RARB: variants seen among roughly 807,000 people sequenced by gnomAD.
RARB encodes the protein HBV-activated protein.
Under a neutral mutation model 51.9 loss-of-function variants are expected in RARB, and 17 were observed. The observed-to-expected ratio is 0.33, with a 90% CI of 0.22 to 0.49. The LOEUF (loss-of-function observed/expected upper bound fraction) is 0.49, where lower values mean the gene tolerates loss of function less well. Ranked by LOEUF, RARB falls within the 20% of genes least tolerant of loss-of-function variation. The pLI, the probability that RARB is intolerant of heterozygous loss-of-function variation, is 0.99. For missense variants in RARB, 369 were observed against 550.8 expected (o/e 0.67, Z 3.30); for synonymous variants, 215 against 195.4 (o/e 1.10, Z -0.84).
intron 3 of RARB, among the ~76,000 whole-genome samples, chr3:25,528,244 C>G (rs1180539070): frequency 6.6e-6 from 1 of 152,174 alleles, no homozygotes; most frequent in Non-Finnish European, 1.5e-5. Context: ...CCCTGAAGGA[C>G]AGTGTGCCCA....
chr3:25,567,915 C>T (rs1259453129), intron 3 of RARB, among the ~76,000 whole-genome samples: 1 of 152,174 alleles, frequency 6.6e-6, no homozygotes, highest in Admixed American at 6.5e-5. Flanking sequence ...TCACGGAGAG[C>T]CACCATGCCG....
At chr3:24,831,591 A>G (rs1044551209) in intron 1 of RARB, among the ~76,000 whole-genome samples, 68 of 152,208 alleles carry the variant, frequency 4.5e-4, no homozygotes, top group African/African-American at 1.5e-3. Flanking sequence ...GCTAAATTGT[A>G]TAGTATATTC....
chr3:25,523,834 T>C (rs1045869310), intron 3 of RARB, among the ~76,000 whole-genome samples: 1 of 152,242 alleles, frequency 6.6e-6, no homozygotes, highest in African/African-American at 2.4e-5. Flanking sequence ...TTACAAACTT[T>C]TTCTCTTGTT....
intron 3 of RARB, among the ~76,000 whole-genome samples, chr3:25,535,320 G>A (rs1207247687): frequency 6.6e-6 from 1 of 152,028 alleles, no homozygotes; most frequent in African/African-American, 2.4e-5. Context: ...TGGTGTTTAG[G>A]GACACAACCT....
chr3:25,169,117 G>C (rs1700603201), intron 4 of RARB, among the ~76,000 whole-genome samples: 1 of 152,142 alleles, frequency 6.6e-6, no homozygotes, highest in Non-Finnish European at 1.5e-5. Context: ...CATATGTGAA[G>C]TGCAACACAA....
chr3:24,971,043 T>A (rs995517148), intron 2 of RARB, among the ~76,000 whole-genome samples: 2 of 151,996 alleles, frequency 1.3e-5, no homozygotes, highest in Non-Finnish European at 2.9e-5. Flanking sequence ...TACTTTATTA[T>A]CAGGTTATAT....
chr3:25,514,806 C>T (rs1453259864), intron 3 of RARB, among the ~76,000 whole-genome samples: 1 of 152,112 alleles, frequency 6.6e-6, no homozygotes, highest in African/African-American at 2.4e-5. Flanking sequence ...TCTGTGGACT[C>T]AAGAGATTTA....
rs560251847 is a variant in RARB at position 24,938,853 on chromosome 3, A to T, written c.-380+80101A>T. On this transcript the variant is annotated intron_variant, in intron 2 of 11. Coordinates refer to the RARB transcript ENST00000383772. ...TTGTATCTGGCTTATTTCACTTAGC[A>T]TAATGTTTTCAAGGCTCATCAATGT... 4.6e-5 allele frequency among the ~76,000 whole-genome samples: 7 copies of T among 152,324 alleles called. No homozygotes were observed. The East Asian group carries it at 1.4e-3, about 29-fold the overall frequency.
At chr3:25,472,451 C>T (rs772565426) in intron 2 of RARB, among the ~76,000 whole-genome samples, 2 of 152,156 alleles carry the variant, frequency 1.3e-5, no homozygotes, top group Non-Finnish European at 2.9e-5. Flanking sequence ...TACAGACCTA[C>T]TTTTAGGGAA....
intron 2 of RARB, among the ~76,000 whole-genome samples, chr3:24,988,907 C>T (rs1233652942): frequency 6.6e-6 from 1 of 152,122 alleles, no homozygotes; most frequent in Non-Finnish European, 1.5e-5. Context: ...CTCACTGCAA[C>T]CTCCGCTTCC....
At chr3:25,364,597 A>G (rs1706053739) in intron 5 of RARB, among the ~76,000 whole-genome samples, 1 of 152,194 alleles carries the variant, frequency 6.6e-6, no homozygotes. Context: ...AGCAGGAACT[A>G]TTTGGCTTGA....
intron 4 of RARB, among the ~76,000 whole-genome samples, chr3:25,578,754 G>A (rs1022289064): frequency 1.3e-5 from 2 of 152,244 alleles, no homozygotes; most frequent in Admixed American, 1.3e-4. Flanking sequence ...CGTTTTTACA[G>A]TGTCTGTGGC....
At chr3:25,286,914 A>G (rs1703671043) in intron 5 of RARB, among the ~76,000 whole-genome samples, 1 of 152,192 alleles carries the variant, frequency 6.6e-6, no homozygotes, top group Admixed American at 6.5e-5. Context: ...CTATTTTACA[A>G]GAAAATTTAT....
chr3:25,127,069 T>G (rs945932237), intron 3 of RARB, among the ~76,000 whole-genome samples: 1 of 152,192 alleles, frequency 6.6e-6, no homozygotes, highest in Non-Finnish European at 1.5e-5. Flanking sequence ...ATCTTTCGCC[T>G]GCATCAGTAG....
At chr3:25,166,515 C>T (rs1284659768) in intron 4 of RARB, among the ~76,000 whole-genome samples, 2 of 152,162 alleles carry the variant, frequency 1.3e-5, no homozygotes, top group Admixed American at 6.5e-5. Context: ...GCAAAGATTT[C>T]CCCACACCAA....
intron 5 of RARB, among the ~76,000 whole-genome samples, chr3:25,266,391 C>T (rs139136510): frequency 6.6e-6 from 1 of 152,106 alleles, no homozygotes; most frequent in African/African-American, 2.4e-5. Flanking sequence ...GAATTATTCA[C>T]ACCTTTTCCC....
chr3:25,466,678 C>T (rs2125562343), intron 2 of RARB, among the ~76,000 whole-genome samples: 1 of 152,282 alleles, frequency 6.6e-6, no homozygotes, highest in Admixed American at 6.5e-5. Flanking sequence ...ATGGAGCCTC[C>T]CTGGATTACC....
intron 2 of RARB, among the ~76,000 whole-genome samples, chr3:24,931,656 A>T (rs1386435575): frequency 6.6e-6 from 1 of 151,970 alleles, no homozygotes. Context: ...GCACTGAACA[A>T]CTCTTGTAGA....
chr3:25,121,406 C>A (rs910638695), intron 3 of RARB, among the ~76,000 whole-genome samples: 2 of 152,122 alleles, frequency 1.3e-5, no homozygotes, highest in African/African-American at 2.4e-5. Flanking sequence ...AAAATAGCTT[C>A]TTTGATTCAA....
Sources: allele counts gnomAD v4.1 joint callset (sites outside exome capture counted in the v4.1 genomes callset), GRCh38; gene constraint gnomAD v4.1.1; transcripts MANE v1.5; gene names NCBI Gene and HGNC (gene_info 2026-07-23, HGNC 2026-07-21).